The following SART1 variants were observed in gnomAD, a reference collection of about 807,000 sequenced individuals.
SART1 encodes the protein spliceosome associated factor 1, recruiter of U4/U6.U5 tri-snRNP.
A neutral mutation model predicts 105.0 loss-of-function variants in SART1; 28 were observed. The observed-to-expected ratio is 0.27, with a 90% CI of 0.20 to 0.37. The LOEUF is 0.37. Ranked by LOEUF, SART1 falls within the 10% of genes least tolerant of loss-of-function variation. SART1 has a pLI of 1.00. For missense variants in SART1, 894 were observed against 1,106.5 expected (o/e 0.81, Z 2.72); for synonymous variants, 472 against 462.9 (o/e 1.02, Z -0.25).
At chr11:65,965,468 G>T (rs1244061194) in intron 5 of SART1, 21 bp downstream of exon 5, 9 of 1,547,780 alleles carry the variant, frequency 5.8e-6, no homozygotes, top group Non-Finnish European at 7.9e-6. Context: ...GGGCAGCATG[G>T]GGTGGTCGCC....
chr11:65,978,536 T>G lies in SART1; in HGVS notation c.2173-64T>G. On this transcript the variant is annotated intron_variant, in intron 17 of 19. Coordinates refer to ENST00000312397, the MANE Select transcript of SART1 (RefSeq NM_005146.5). The surrounding 1 kb of genome is among the most constrained non-coding windows in gnomAD (Gnocchi z 6.8). Reference sequence around the variant, plus strand: ...ACCCGCCCTGTTATTATACACCTTGTGGGCACAGGTGGCTCCGGCCCCACC... The same window carrying G: ...ACCCGCCCTGTTATTATACACCTTGGGGGCACAGGTGGCTCCGGCCCCACC... The G allele has an allele frequency of 6.8e-7, 1 of 1,474,826 alleles. No individual in the cohort carries two copies. The highest frequency in any genetic ancestry group is 9.3e-7 in the Non-Finnish European group (1 of 1,079,056). 91.4% of individuals were successfully genotyped at this position (1,474,826 alleles called of 1,614,324 possible). A position where few individuals can be genotyped will look rare whatever the true frequency, so the allele number is the denominator to read the frequency against.
intron 12 of SART1, 73 bp downstream of exon 12, chr11:65,967,894 C>T: frequency 8.2e-7 from 1 of 1,219,002 alleles, no homozygotes; most frequent in Non-Finnish European, 1.1e-6. Context: ...TCATAGGCGA[C>T]AGCCACATTC....
chr11:65,971,930 T>C (rs952675769), intron 12 of SART1, among the ~76,000 whole-genome samples: 4 of 151,512 alleles, frequency 2.6e-5, no homozygotes, highest in African/African-American at 9.7e-5. Context: ...AATTGAGGGG[T>C]TGTTTTGTTT....
intron 12 of SART1, among the ~76,000 whole-genome samples, chr11:65,975,380 G>C (rs1252369141): frequency 6.7e-6 from 1 of 148,848 alleles, no homozygotes; most frequent in African/African-American, 2.5e-5. Flanking sequence ...TAGGATTATA[G>C]ATGTGAGCAA....
At chr11:65,968,142 G>T (rs1037772742) in intron 12 of SART1, among the ~76,000 whole-genome samples, 3 of 152,012 alleles carry the variant, frequency 2.0e-5, no homozygotes, top group African/African-American at 4.8e-5. Flanking sequence ...TAGAGACGGG[G>T]TTTCACTATG....
Position 65,966,434 on chromosome 11 carries a change from A to T in SART1, c.1066A>T (p.Thr356Ser). The T allele has an allele frequency of 1.2e-6, 2 of 1,613,716 alleles. No homozygotes were observed. Among genetic ancestry groups the T allele is most frequent in the African/African-American group, 1.3e-5 (1 of 75,072 alleles). Residue 356 changes from threonine (T) to serine (S), a missense_variant, in exon 9 of 20, where the codon ACG becomes TCG. By Grantham distance (58) the Thr-to-Ser change is moderately conservative. Around this residue, in one of 2 missense-constraint regions of SART1, gnomAD observed 712 missense variants for 778.2 expected, o/e 0.91. Transcript: ENST00000312397. ...TTCCTTCCGCTTGGAGCAGGGCGGCACGGCTGATGGCCTGCGGGAGCGGGA... is the reference window on the plus strand; with the variant it reads ...TTCCTTCCGCTTGGAGCAGGGCGGCTCGGCTGATGGCCTGCGGGAGCGGGA... ...PHSFRLEQGGTADGLRERELE... is the reference protein window; with the variant it reads ...PHSFRLEQGGSADGLRERELE...
At position 65,966,076 on chromosome 11, in the gene SART1, G is replaced by A. The variant is rs1012501272; in HGVS notation, c.839G>A (p.Gly280Asp). ...ETMILTLKDK[G>D]VLQEEEDVLV... is the part of the protein sequence containing the mutation. ...GGCCACTGCTCTGTGCTGCCCCCAG[G>A]CGTGCTGCAGGAGGAGGAGGACGTG... Residue 280 changes from glycine (G) to aspartate (D), a missense_variant and splice_region_variant, in exon 8 of 20, where the codon GGC becomes GAC. Around this residue, in one of 2 missense-constraint regions of SART1, gnomAD observed 712 missense variants for 778.2 expected, o/e 0.91. Transcript: ENST00000312397. The A allele has an allele frequency of 3.7e-6, 6 of 1,613,802 alleles. No individual in the cohort carries two copies. The Admixed American group carries it at 1.0e-4, about 27-fold the overall frequency.
rs772846159 is a variant in SART1 at position 65,965,727 on chromosome 11, A to G, written c.686A>G (p.Gln229Arg). The change falls in exon 6 of 20, where the codon CAA (glutamine) becomes CGA (arginine). Residue 229 changes from glutamine to arginine, a missense_variant. Coordinates refer to ENST00000312397, the MANE Select transcript of SART1 (RefSeq NM_005146.5). Reference protein sequence around the residue: ...KRAKLLEEMDQEFGVSTLVEE... With the variant: ...KRAKLLEEMDREFGVSTLVEE... ...GCCAAGTTACTGGAGGAGATGGACC[A>G]AGAGTTTGGTGTCAGCACTCTGGTG... 2 of 1,613,962 alleles carry G rather than the reference A, an allele frequency of 1.2e-6. No homozygotes were observed. The highest frequency in any genetic ancestry group is 2.2e-5 in the East Asian group (1 of 44,878).
At position 65,967,475 on chromosome 11, in the gene SART1, C is replaced by T. The variant is rs961544168; in HGVS notation, c.1318C>T (p.Arg440Trp). 1.2e-6 allele frequency: 2 copies of T among 1,613,252 alleles called. No individual in the cohort carries two copies. The highest frequency in any genetic ancestry group is 8.5e-7 in the Non-Finnish European group (1 of 1,179,880). Reference sequence around the variant, plus strand: ...AGAGAGGCCTCCTTCCCTCAGACTGCGGGGACGGGGTCGCCGCCGAGTGTC... The same window carrying T: ...AGAGAGGCCTCCTTCCCTCAGACTGTGGGGACGGGGTCGCCGCCGAGTGTC... ...TQDGDFGSRL[R>W]GRGRRRVSEV... The change falls in exon 11 of 20, where the codon CGG (arginine) becomes TGG (tryptophan). Residue 440 changes from arginine to tryptophan, a missense_variant. Arg to Trp is a moderately radical substitution (Grantham distance 101). Transcript: ENST00000312397.
In SART1 at chr11:65,977,822, AAGG is replaced by A; in HGVS notation, c.2098_2100del (p.Glu700del). 3 of 1,614,008 alleles carry A rather than the reference AAGG, an allele frequency of 1.9e-6. No individual in the cohort carries two copies. Among genetic ancestry groups the A allele is most frequent in the Non-Finnish European group, 2.5e-6 (3 of 1,180,002 alleles). On this transcript the variant is annotated inframe_deletion, in exon 17 of 20. Transcript: ENST00000312397. The stretch of plus-strand genomic sequence containing the variant: ...ATACCGAGGCTTCACACAGGACTTC[AAGG>A]AGAAGGACGGCTACAAACCCGACGT...
rs1158142654 is a variant in SART1 at position 65,978,473 on chromosome 11, C to T, written c.2173-127C>T. The T allele has an allele frequency of 8.0e-6, 7 of 877,152 alleles. No individual in the cohort carries two copies. The highest frequency in any genetic ancestry group is 2.1e-5 in the Admixed American group (1 of 47,696). The allele number at this position is 877,152 out of a possible 1,614,324, so 54.3% of individuals were successfully genotyped here. ...GTCTGTGCTCTTTTCCCATCCCCTT[C>T]CCACTGCACCCCAGGCCTGGCATTG... On this transcript the variant is annotated intron_variant, in intron 17 of 19. Coordinates refer to ENST00000312397, the MANE Select transcript of SART1 (RefSeq NM_005146.5). This position sits in a 1 kb window ranked among gnomAD's most constrained non-coding sequence, Gnocchi z 6.8.
chr11:65,974,299 G>A (rs55928757), intron 12 of SART1, among the ~76,000 whole-genome samples: 57,282 of 145,096 alleles, frequency 0.39, 12,294 homozygotes, highest in Admixed American at 0.55. Flanking sequence ...ACTTGAACCC[G>A]AGAGGTGGAG....
Position 65,976,811 on chromosome 11 carries a change from G to A in SART1, c.1857+45G>A. The A allele has an allele frequency of 2.0e-6, 3 of 1,475,140 alleles. No individual in the cohort carries two copies. Among genetic ancestry groups the A allele is most frequent in the Non-Finnish European group, 2.8e-6 (3 of 1,076,714 alleles). The allele number at this position is 1,475,140 out of a possible 1,614,324, so 91.4% of individuals were successfully genotyped here. On this transcript the variant is annotated intron_variant, in intron 14 of 19. Coordinates refer to ENST00000312397, the MANE Select transcript of SART1 (RefSeq NM_005146.5). This position sits in a 1 kb window ranked among gnomAD's most constrained non-coding sequence, Gnocchi z 5.1. ...GGGGTGGGCGTTTGGGGGTGCTCAAGCTGGAGATGAGCACCGGGCTCGGTG... is the reference window on the plus strand; with the variant it reads ...GGGGTGGGCGTTTGGGGGTGCTCAAACTGGAGATGAGCACCGGGCTCGGTG...
At chr11:65,975,866 G>C (rs906003393) in intron 12 of SART1, among the ~76,000 whole-genome samples, 4 of 152,100 alleles carry the variant, frequency 2.6e-5, no homozygotes, top group African/African-American at 4.8e-5. Flanking sequence ...GCTGGTGCCC[G>C]TGTGGGGGTC....
rs1855526965 is a variant in SART1 at position 65,978,420 on chromosome 11, C to T, written c.2173-180C>T. 2 of 626,898 alleles carry T rather than the reference C, an allele frequency of 3.2e-6. No homozygotes were observed. Among genetic ancestry groups the T allele is most frequent in the South Asian group, 3.8e-5 (2 of 52,990 alleles). The allele number at this position is 626,898 out of a possible 1,614,324, so 38.8% of individuals were successfully genotyped here. ...CCACTAGCCAAGCTGGTCTCCCGGCCTCTGCTGGGGCCCTGCAGGGTGCCA... is the reference window on the plus strand; with the variant it reads ...CCACTAGCCAAGCTGGTCTCCCGGCTTCTGCTGGGGCCCTGCAGGGTGCCA... On this transcript the variant is annotated intron_variant, in intron 17 of 19. Transcript: ENST00000312397. The surrounding 1 kb of genome is among the most constrained non-coding windows in gnomAD (Gnocchi z 6.8).
chr11:65,964,769 G>A (rs1198250137), intron 3 of SART1, among the ~76,000 whole-genome samples, 199 bp downstream of exon 3: 3 of 152,358 alleles, frequency 2.0e-5, no homozygotes, highest in African/African-American at 7.2e-5. Flanking sequence ...AGCTGTGGCC[G>A]TCGCATACTC....
intron 12 of SART1, 119 bp downstream of exon 12, chr11:65,967,940 T>G: frequency 2.2e-6 from 2 of 916,050 alleles, no homozygotes; most frequent in Non-Finnish European, 3.0e-6. Flanking sequence ...TTTTTTGTTT[T>G]CTGGGTTTGT....
At position 65,977,666 on chromosome 11, in the gene SART1, G is replaced by A. The variant is rs1565318722; in HGVS notation, c.2036+13G>A. ...TCGAGGATAAGATGTGAGTGTGGTG[G>A]GGCCTGTGCAGGGCTGAGGGGCCTG... On this transcript the variant is annotated intron_variant, in intron 16 of 19. Transcript: ENST00000312397. 6.2e-7 allele frequency: 1 copy of A among 1,613,808 alleles called. No individual in the cohort carries two copies. Among genetic ancestry groups the A allele is most frequent in the Non-Finnish European group, 8.5e-7 (1 of 1,179,802 alleles).
chr11:65,967,949 GTTTT>G (rs35216160), intron 12 of SART1, 128 bp downstream of exon 12: 1,917 of 418,298 alleles, frequency 4.6e-3, no homozygotes, highest in South Asian at 7.6e-3. Context: ...TTCTGGGTTT[GTTTT>G]TTTTTTTTTT....
Sources: gnomAD v4.1 joint callset for allele counts (sites outside exome capture counted in the v4.1 genomes callset) on GRCh38, gnomAD v4.1.1 for gene constraint, gnomAD v4.1.1 regional missense constraint, Gnocchi (gnomAD v3.1) non-coding constraint, MANE v1.5 for transcripts, NCBI Gene and HGNC (gene_info 2026-07-23, HGNC 2026-07-21) for gene names.